CERT1: variants seen among roughly 807,000 people sequenced by gnomAD.
CERT1 encodes ceramide transfer protein.
Under a neutral mutation model 87.9 loss-of-function variants are expected in CERT1, and 31 were observed. The observed-to-expected ratio is 0.35, with a 90% CI of 0.27 to 0.48. The LOEUF is 0.48. Among genes scored for constraint, CERT1 ranks in the 20% least tolerant of loss-of-function variants. The pLI is 0.99. For synonymous variants in CERT1, 289 were observed against 250.9 expected (o/e 1.15, Z -1.44); for missense variants, 487 against 758.0 (o/e 0.64, Z 4.20).
intron 3 of CERT1, among the ~76,000 whole-genome samples, chr5:75,439,293 T>G (rs1218678700): frequency 3.9e-5 from 6 of 151,902 alleles, no homozygotes; most frequent in Non-Finnish European, 8.8e-5. Context: ...AACTCGTACA[T>G]TATCATTCTG....
At chr5:75,385,812 G>T (rs1040217948) in intron 13 of CERT1, 90 bp downstream of exon 13, 2 of 1,007,758 alleles carry the variant, frequency 2.0e-6, no homozygotes, top group African/African-American at 1.7e-5. Flanking sequence ...CGTTGACTTT[G>T]TAAACTATGT....
At chr5:75,447,289 A>G (rs1764585170) in intron 3 of CERT1, among the ~76,000 whole-genome samples, 1 of 151,998 alleles carries the variant, frequency 6.6e-6, no homozygotes, top group African/African-American at 2.4e-5. Flanking sequence ...AGGTGGGGAG[A>G]CAGATTCTGG....
intron 15 of CERT1, 21 bp downstream of exon 15, chr5:75,381,928 C>T: frequency 6.2e-7 from 1 of 1,603,504 alleles, no homozygotes; most frequent in Non-Finnish European, 8.5e-7. Flanking sequence ...TAATTATACA[C>T]ATTTATATAC....
chr5:75,439,621 G>A (rs1013587792), intron 3 of CERT1, among the ~76,000 whole-genome samples: 2 of 151,814 alleles, frequency 1.3e-5, no homozygotes, highest in African/African-American at 2.4e-5. Flanking sequence ...GCACAATAAA[G>A]GATTTTTCTG....
intron 3 of CERT1, among the ~76,000 whole-genome samples, chr5:75,458,156 T>C (rs73764905): frequency 0.077 from 11,712 of 152,244 alleles, 543 homozygotes; most frequent in South Asian, 0.17. Flanking sequence ...TTTATCATGG[T>C]ATTACTGAAT....
At chr5:75,491,353 T>C (rs558242045) in intron 2 of CERT1, among the ~76,000 whole-genome samples, 1 of 152,174 alleles carries the variant, frequency 6.6e-6, no homozygotes, top group African/African-American at 2.4e-5. Context: ...AGAACTCTTT[T>C]GTTTTCCTTT....
At chr5:75,449,820 C>T (rs1344957726) in intron 3 of CERT1, among the ~76,000 whole-genome samples, 2 of 152,042 alleles carry the variant, frequency 1.3e-5, no homozygotes, top group African/African-American at 2.4e-5. Context: ...GTTTACTACC[C>T]ATTTCAGCAT....
intron 2 of CERT1, among the ~76,000 whole-genome samples, chr5:75,493,103 TCAG>T (rs1766874484): frequency 6.6e-6 from 1 of 152,240 alleles, no homozygotes; most frequent in South Asian, 2.1e-4. Context: ...GGCATATCTT[TCAG>T]CAGAAGACAG....
intron 8 of CERT1, among the ~76,000 whole-genome samples, chr5:75,405,613 C>T (rs997531264): frequency 6.6e-6 from 1 of 152,158 alleles, no homozygotes; most frequent in Non-Finnish European, 1.5e-5. Flanking sequence ...TCATCACACC[C>T]TTCAATTCTA....
intron 8 of CERT1, among the ~76,000 whole-genome samples, chr5:75,407,148 C>T (rs1762739502): frequency 6.6e-6 from 1 of 151,922 alleles, no homozygotes; most frequent in African/African-American, 2.4e-5. Flanking sequence ...TACCCTTAAC[C>T]AGTTTCTTCA....
chr5:75,417,635 T>C (rs902105125), intron 6 of CERT1, among the ~76,000 whole-genome samples: 1 of 152,200 alleles, frequency 6.6e-6, no homozygotes, highest in East Asian at 1.9e-4. Flanking sequence ...TAATTATAAA[T>C]GAAATAATGT....
rs537965661 is a variant in CERT1, at chr5:75,382,687, T to C, written c.1489-610A>G. ...AAAAAAACCTTTTATCCTATTTAAG[T>C]TACTTTTATTTTGGTTATCTCGTAT... is the stretch of plus-strand genomic sequence containing the variant. On this transcript the variant is annotated intron_variant, in intron 14 of 16. Transcript: ENST00000643780. Among the ~76,000 whole-genome samples, 8 of 151,952 alleles carry C rather than the reference T, an allele frequency of 5.3e-5. No individual in the cohort carries two copies. The South Asian group carries it at 1.5e-3, about 28-fold the overall frequency.
intron 2 of CERT1, among the ~76,000 whole-genome samples, chr5:75,502,309 C>T (rs1767411861): frequency 6.6e-6 from 1 of 152,108 alleles, no homozygotes; most frequent in Admixed American, 6.5e-5. Flanking sequence ...TTCCTCAATA[C>T]TTGCGGGTAA....
intron 2 of CERT1, among the ~76,000 whole-genome samples, chr5:75,476,084 G>A (rs535016092): frequency 1.3e-5 from 2 of 152,040 alleles, no homozygotes; most frequent in Non-Finnish European, 2.9e-5. Flanking sequence ...AACAATACAA[G>A]CTTCTCTAAA....
intron 1 of CERT1, among the ~76,000 whole-genome samples, chr5:75,510,277 T>G (rs1373866773): frequency 6.6e-6 from 1 of 152,006 alleles, no homozygotes; most frequent in Non-Finnish European, 1.5e-5. Context: ...TGAATCTTCT[T>G]ACAGCAAAAA....
chr5:75,443,443 G>C (rs1392103164), intron 3 of CERT1, among the ~76,000 whole-genome samples: 5 of 151,814 alleles, frequency 3.3e-5, no homozygotes, highest in Non-Finnish European at 5.9e-5. Flanking sequence ...TTTTTTCTTT[G>C]ATCCACTAGT....
intron 3 of CERT1, among the ~76,000 whole-genome samples, chr5:75,429,982 C>T (rs1164727087): frequency 6.6e-6 from 1 of 151,664 alleles, no homozygotes; most frequent in Non-Finnish European, 1.5e-5. Flanking sequence ...AAACTTGTCC[C>T]CACCCCCAAC....
At chr5:75,476,109 C>CATA (rs1765940799) in intron 2 of CERT1, among the ~76,000 whole-genome samples, 2 of 152,122 alleles carry the variant, frequency 1.3e-5, no homozygotes, top group Non-Finnish European at 2.9e-5. Context: ...CTGTCTCTAT[C>CATA]AATTCATAGG....
At chr5:75,490,037 T>G (rs986971493) in intron 2 of CERT1, among the ~76,000 whole-genome samples, 2 of 152,202 alleles carry the variant, frequency 1.3e-5, no homozygotes, top group Admixed American at 6.5e-5. Context: ...TGAGTTCATG[T>G]CCTTTGTAGG....
Sources: allele counts gnomAD v4.1 joint callset (sites outside exome capture counted in the v4.1 genomes callset), GRCh38; gene constraint gnomAD v4.1.1; transcripts MANE v1.5; gene names NCBI Gene and HGNC (gene_info 2026-07-23, HGNC 2026-07-21).